MYO10: variants seen among roughly 807,000 people sequenced by gnomAD.
MYO10 encodes the protein unconventional myosin-X.
Under a neutral mutation model 257.3 loss-of-function variants are expected in MYO10, and 133 were observed. The observed-to-expected ratio is 0.52, with a 90% CI of 0.45 to 0.60. The LOEUF (loss-of-function observed/expected upper bound fraction) is 0.60. MYO10 is among the 20% of genes least tolerant of loss of function. The probability of loss-of-function intolerance (pLI) is 0.00; values close to 1 mark genes in which losing one functional copy is unlikely to be tolerated. For synonymous variants in MYO10, 1,104 were observed against 1,028.6 expected (o/e 1.07, Z -1.40); for missense variants, 2,399 against 2,635.7 (o/e 0.91, Z 1.97).
In MYO10 at chr5:16,778,688, G is replaced by GTTTTTTT. The variant is rs55880979; in HGVS notation, c.930+850_930+856dup. ...CAGGAACACCTCTCGCTTTGCTGAG[G>GTTTTTTT]TTTTTTTTTTTTTTTTTTTTTTGAG... On this transcript the variant is annotated intron_variant, in intron 9 of 40. Transcript: ENST00000513610. Among the ~76,000 whole-genome samples the GTTTTTTT allele has an allele frequency of 3.8e-4, 41 of 107,546 alleles. 1 individual carries two copies. The highest frequency in any genetic ancestry group is 1.4e-3 in the African/African-American group (38 of 27,252). The allele number at this position is 107,546 out of a possible 152,430, so 70.6% of individuals were successfully genotyped here.
chr5:16,901,980 C>T (rs1282406099), intron 1 of MYO10, among the ~76,000 whole-genome samples: 1 of 152,220 alleles, frequency 6.6e-6, no homozygotes, highest in Non-Finnish European at 1.5e-5. Flanking sequence ...AAGTATTTTC[C>T]AGAAGTCTAA....
At chr5:16,677,862 G>T (rs527555326) in intron 33 of MYO10, among the ~76,000 whole-genome samples, 3 of 150,434 alleles carry the variant, frequency 2.0e-5, no homozygotes, top group Admixed American at 2.0e-4. Flanking sequence ...CTGGGTTCAA[G>T]CGAGTCTTCT....
chr5:16,900,910 T>C (rs2126784178), intron 1 of MYO10, among the ~76,000 whole-genome samples: 1 of 152,190 alleles, frequency 6.6e-6, no homozygotes, highest in African/African-American at 2.4e-5. Context: ...TAGCTAATTT[T>C]TATATTTTTA....
chr5:16,851,564 C>G (rs1253295313), intron 2 of MYO10, among the ~76,000 whole-genome samples: 1 of 152,156 alleles, frequency 6.6e-6, no homozygotes, highest in South Asian at 2.1e-4. Flanking sequence ...CACCTCCACA[C>G]AGGTGATCTC....
intron 4 of MYO10, among the ~76,000 whole-genome samples, chr5:16,784,332 G>A (rs1741510221): frequency 6.6e-6 from 1 of 152,240 alleles, no homozygotes; most frequent in Admixed American, 6.5e-5. Flanking sequence ...AGGAGCTGGA[G>A]GGTGGTGATG....
At chr5:16,796,460 GAAAGAAAGA>G (rs1262463309) in intron 3 of MYO10, among the ~76,000 whole-genome samples, 5 of 96,180 alleles carry the variant, frequency 5.2e-5, no homozygotes, top group Non-Finnish European at 1.1e-4. Context: ...AAGAAAGAAA[GAAAGAAAGA>G]AAAGAAAAGA....
intron 1 of MYO10, among the ~76,000 whole-genome samples, chr5:16,891,131 A>G (rs1745036381): frequency 6.6e-6 from 1 of 151,612 alleles, no homozygotes; most frequent in South Asian, 2.1e-4. Context: ...AAAACATAAC[A>G]TTAGAAAATT....
At chr5:16,667,795 G>A (rs190615016) in intron 40 of MYO10, among the ~76,000 whole-genome samples, 1 of 152,238 alleles carries the variant, frequency 6.6e-6, no homozygotes, top group East Asian at 1.9e-4. Flanking sequence ...CTTGGAGGCT[G>A]GTAGCACATA....
intron 19 of MYO10, among the ~76,000 whole-genome samples, chr5:16,753,889 G>A (rs565481820): frequency 1.3e-3 from 204 of 152,252 alleles, no homozygotes; most frequent in African/African-American, 4.6e-3. Context: ...CAAATTACCA[G>A]AATATAATAA....
intron 1 of MYO10, 86 bp downstream of exon 1, chr5:16,935,702 A>C (rs1342362341): frequency 1.3e-5 from 20 of 1,559,338 alleles, no homozygotes; most frequent in Non-Finnish European, 1.7e-5. Flanking sequence ...AGGGCTTAGG[A>C]AAAAGTACCC....
chr5:16,758,620 C>T (rs570496419), intron 17 of MYO10, among the ~76,000 whole-genome samples: 1 of 152,302 alleles, frequency 6.6e-6, no homozygotes, highest in South Asian at 2.1e-4. Context: ...TGGAAAGGTG[C>T]TCCTGGGGAA....
In MYO10 at chr5:16,935,841, C is replaced by G. The variant is rs376176506; in HGVS notation, c.-33G>C. 2.8e-4 allele frequency: 459 copies of G among 1,611,096 alleles called. No homozygotes were observed. In the African/African-American group the frequency reaches 5.6e-3, roughly 20 times the overall value. ...GCGCAGTCCCGGACTCGCCGAGTGCCGCTCCGACTCGCGGAAGTCAGCGCC... is the reference window on the plus strand; with the variant it reads ...GCGCAGTCCCGGACTCGCCGAGTGCGGCTCCGACTCGCGGAAGTCAGCGCC... On this transcript the variant is annotated 5_prime_UTR_variant, in exon 1 of 41. Transcript: ENST00000513610.
chr5:16,681,920 C>T lies in MYO10; in HGVS notation c.4140G>A (p.Gln1380=). Residue 1380 remains glutamine, a synonymous_variant, in exon 31 of 41, where the codon CAG becomes CAA. Coordinates refer to ENST00000513610, the MANE Select transcript of MYO10 (RefSeq NM_012334.3). ...EEMHHWITLL[Q]RSKGDTRVEG... Reference sequence around the variant, plus strand: ...CCACTCTGGTGTCCCCTTTGGACCTCTGCAGCAGGGTTATCCAGTGGTGCA... The same window carrying T: ...CCACTCTGGTGTCCCCTTTGGACCTTTGCAGCAGGGTTATCCAGTGGTGCA... The T allele has an allele frequency of 1.9e-6, 3 of 1,614,004 alleles. No individual in the cohort carries two copies. Among genetic ancestry groups the T allele is most frequent in the Non-Finnish European group, 2.5e-6 (3 of 1,179,896 alleles).
chr5:16,754,459 C>A (rs1004068793), intron 19 of MYO10, among the ~76,000 whole-genome samples: 1 of 148,960 alleles, frequency 6.7e-6, no homozygotes, highest in Non-Finnish European at 1.5e-5. Context: ...GAAAGAAAGA[C>A]AAATAAAAAC....
chr5:16,842,404 C>T (rs573103374), intron 2 of MYO10, among the ~76,000 whole-genome samples: 24 of 152,250 alleles, frequency 1.6e-4, no homozygotes, highest in African/African-American at 5.3e-4. Flanking sequence ...GCAATCAAAG[C>T]GTAGGGGCTC....
intron 19 of MYO10, among the ~76,000 whole-genome samples, chr5:16,733,088 C>T (rs1489056729): frequency 6.6e-6 from 1 of 152,152 alleles, no homozygotes; most frequent in African/African-American, 2.4e-5. Flanking sequence ...GAGCTGAGAT[C>T]GTGCCATTGC....
At chr5:16,858,563 A>AC (rs1744028337) in intron 2 of MYO10, among the ~76,000 whole-genome samples, 1 of 152,182 alleles carries the variant, frequency 6.6e-6, no homozygotes, top group Non-Finnish European at 1.5e-5. Context: ...CTCCGAGGTA[A>AC]CCATTTAGTC....
Position 16,701,788 on chromosome 5 carries a change from C to T in MYO10, c.2607G>A (p.Gln869=). The T allele has an allele frequency of 1.2e-6, 2 of 1,612,952 alleles. No homozygotes were observed. Among genetic ancestry groups the T allele is most frequent in the Non-Finnish European group, 8.5e-7 (1 of 1,179,654 alleles). ...GTTCACGGGTCAGTTCAGCTTCCTT[C>T]TGGCTCTTCTGCAAGGCTTCGAGTT... ...QQELEALQKS[Q]KEAELTRELE... is the part of the protein sequence containing the mutation. The change falls in exon 25 of 41, where the codon CAG becomes CAA. Residue 869 remains glutamine, a synonymous_variant. Transcript: ENST00000513610. This position sits in a 1 kb window ranked among gnomAD's most constrained non-coding sequence, Gnocchi z 8.1.
At chr5:16,822,919 C>T (rs564157224) in intron 2 of MYO10, among the ~76,000 whole-genome samples, 6 of 151,584 alleles carry the variant, frequency 4.0e-5, no homozygotes, top group African/African-American at 7.2e-5. Flanking sequence ...GATCTCCTGA[C>T]CTCGTGATCC....
Sources: gnomAD v4.1 joint callset for allele counts (sites outside exome capture counted in the v4.1 genomes callset) on GRCh38, gnomAD v4.1.1 for gene constraint, Gnocchi (gnomAD v3.1) non-coding constraint, MANE v1.5 for transcripts, NCBI Gene and HGNC (gene_info 2026-07-23, HGNC 2026-07-21) for gene names.